The following SIPA1L3 variants were observed in gnomAD, a reference collection of about 807,000 sequenced individuals.
SIPA1L3 encodes signal-induced proliferation-associated 1-like protein 3.
A neutral mutation model predicts 150.1 loss-of-function variants in SIPA1L3; 59 were observed. The ratio of observed to expected loss-of-function variants is 0.39; its 90% CI spans 0.32 to 0.49. The LOEUF (loss-of-function observed/expected upper bound fraction) is 0.49. SIPA1L3 is among the 20% of genes least tolerant of loss of function. The pLI, the probability that SIPA1L3 is intolerant of heterozygous loss-of-function variation, is 0.86. For missense variants in SIPA1L3, 2,211 were observed against 2,489.5 expected, an observed-to-expected ratio of 0.89 and a Z score of 2.38; for synonymous variants, 1,070 against 1,077.6, an observed-to-expected ratio of 0.99 and a Z score of 0.14.
intron 1 of SIPA1L3, among the ~76,000 whole-genome samples, chr19:37,911,299 C>G (rs2046375370): frequency 6.6e-6 from 1 of 151,630 alleles, no homozygotes; most frequent in Admixed American, 6.6e-5. Flanking sequence ...CCTCCCATAC[C>G]ATTCCCCAAA....
chr19:38,088,624 G>A lies in SIPA1L3; in HGVS notation c.1535-97G>A. On this transcript the variant is annotated intron_variant, in intron 3 of 21. Transcript: ENST00000222345. The stretch of plus-strand genomic sequence containing the variant: ...TGACCAGCATCCCACAGATTGCACA[G>A]GACCCTGCCTGGTCGCCCTGTCTGC... 5.5e-6 allele frequency: 8 copies of A among 1,456,668 alleles called. No individual in the cohort carries two copies. The South Asian group carries it at 1.0e-4, about 19-fold the overall frequency. 90.2% of individuals were successfully genotyped at this position (1,456,668 alleles called of 1,614,324 possible).
chr19:38,174,875 G>A (rs1049697825), intron 15 of SIPA1L3, among the ~76,000 whole-genome samples: 8 of 151,822 alleles, frequency 5.3e-5, no homozygotes, highest in South Asian at 2.1e-4. Flanking sequence ...TTGTGAGGGC[G>A]AACTGAGACC....
chr19:38,159,780 A>G (rs1042241610), intron 13 of SIPA1L3, among the ~76,000 whole-genome samples: 1 of 152,254 alleles, frequency 6.6e-6, no homozygotes, highest in Non-Finnish European at 1.5e-5. Context: ...GGGAGGACGC[A>G]GCAGGGTAAT....
intron 2 of SIPA1L3, among the ~76,000 whole-genome samples, chr19:38,044,023 G>A (rs774645426): frequency 3.9e-5 from 6 of 152,178 alleles, no homozygotes; most frequent in Non-Finnish European, 8.8e-5. Context: ...AAGGAGGGGT[G>A]AGCCCATTTA....
intron 2 of SIPA1L3, among the ~76,000 whole-genome samples, chr19:38,059,653 G>T (rs776616000): frequency 6.6e-6 from 1 of 152,166 alleles, no homozygotes; most frequent in Non-Finnish European, 1.5e-5. Flanking sequence ...ATACAGACAA[G>T]CATGTAAAAC....
chr19:38,184,608 T>G (rs1301293189), intron 16 of SIPA1L3: 1 of 152,202 alleles, frequency 6.6e-6, no homozygotes, highest in Non-Finnish European at 1.5e-5. Flanking sequence ...GGCTCTGCCC[T>G]CCTCCATCCT....
At chr19:37,930,430 A>T (rs1270450115) in intron 1 of SIPA1L3, among the ~76,000 whole-genome samples, 1 of 152,120 alleles carries the variant, frequency 6.6e-6, no homozygotes, top group East Asian at 1.9e-4. Flanking sequence ...AAGTGCTGAG[A>T]TTACAGGTGT....
At chr19:38,088,152 C>T (rs377451678) in intron 3 of SIPA1L3, among the ~76,000 whole-genome samples, 24 of 152,322 alleles carry the variant, frequency 1.6e-4, no homozygotes, top group African/African-American at 2.4e-4. Flanking sequence ...TCATCATGTG[C>T]GTACTATGTG....
intron 1 of SIPA1L3, among the ~76,000 whole-genome samples, chr19:37,982,935 G>C (rs1411883801): frequency 6.6e-6 from 1 of 152,186 alleles, no homozygotes; most frequent in East Asian, 1.9e-4. Context: ...GCCTCCCTGG[G>C]TTGTCTTCCT....
Position 38,082,442 on chromosome 19 carries a change from G to T in SIPA1L3, c.877G>T (p.Gly293Cys). The T allele has an allele frequency of 6.3e-7, 1 of 1,590,672 alleles. No individual in the cohort carries two copies. The stretch of plus-strand genomic sequence containing the variant: ...GAAGAAACCTGCGCGGGGCCTCGGC[G>T]GCGGGGACACGGTGGACTCGTCCAT... The part of the protein sequence containing the change: ...ARKKPARGLG[G>C]GDTVDSSIFR... The change falls in exon 3 of 22, where the codon GGC (glycine) becomes TGC (cysteine). Residue 293 changes from glycine to cysteine, a missense_variant. Gly to Cys is a radical substitution (Grantham distance 159, BLOSUM62 -3). Transcript: ENST00000222345.
intron 6 of SIPA1L3, among the ~76,000 whole-genome samples, chr19:38,103,819 G>A (rs553535944): frequency 2.0e-5 from 3 of 148,100 alleles, no homozygotes; most frequent in East Asian, 2.0e-4. Flanking sequence ...GGAGAATGGC[G>A]TGAACCCGCA....
chr19:38,178,058 C>G (rs1972474790), intron 15 of SIPA1L3, among the ~76,000 whole-genome samples: 1 of 150,230 alleles, frequency 6.7e-6, no homozygotes, highest in African/African-American at 2.5e-5. Flanking sequence ...GTCCTCATAC[C>G]TGCCTGTGTG....
chr19:37,968,711 A>G (rs979935351), intron 1 of SIPA1L3, among the ~76,000 whole-genome samples: 1 of 152,220 alleles, frequency 6.6e-6, no homozygotes, highest in African/African-American at 2.4e-5. Context: ...CCAGTCTCAA[A>G]TTGGTTGTCC....
chr19:38,106,376 G>A, intron 6 of SIPA1L3, 161 bp from the exon 7 acceptor site: 1 of 609,636 alleles, frequency 1.6e-6, no homozygotes, highest in South Asian at 1.7e-5. Context: ...CAAAGTGCTG[G>A]GATTATAGGT....
At chr19:38,178,482 G>A (rs1334133688) in intron 15 of SIPA1L3, among the ~76,000 whole-genome samples, 2 of 151,726 alleles carry the variant, frequency 1.3e-5, no homozygotes, top group Non-Finnish European at 2.9e-5. Flanking sequence ...CAAATGTCTT[G>A]TTTTTGTTTT....
intron 15 of SIPA1L3, among the ~76,000 whole-genome samples, chr19:38,165,752 G>T (rs904529245): frequency 1.1e-4 from 17 of 152,084 alleles, no homozygotes; most frequent in Admixed American, 9.2e-4. Context: ...ACCTGAGAAC[G>T]TGCATTGGTG....
At chr19:38,040,240 T>A (rs1273425139) in intron 2 of SIPA1L3, among the ~76,000 whole-genome samples, 1 of 152,202 alleles carries the variant, frequency 6.6e-6, no homozygotes, top group South Asian at 2.1e-4. Flanking sequence ...TCTACACGTA[T>A]TTCCAGAGTA....
At chr19:38,116,477 C>T (rs1462498433) in intron 8 of SIPA1L3, among the ~76,000 whole-genome samples, 7 of 147,208 alleles carry the variant, frequency 4.8e-5, no homozygotes, top group Non-Finnish European at 8.9e-5. Context: ...GAGCCGAGAT[C>T]GCGCCACTGC....
chr19:38,070,747 A>C (rs1219595730), intron 2 of SIPA1L3, among the ~76,000 whole-genome samples: 1 of 152,196 alleles, frequency 6.6e-6, no homozygotes, highest in Non-Finnish European at 1.5e-5. Context: ...TTCCTGGATA[A>C]ACAAATGACT....
Sources: gnomAD v4.1 joint callset for allele counts (sites outside exome capture counted in the v4.1 genomes callset) on GRCh38, gnomAD v4.1.1 for gene constraint, MANE v1.5 for transcripts, NCBI Gene and HGNC (gene_info 2026-07-23, HGNC 2026-07-21) for gene names.